IQCM: variants seen among roughly 807,000 people sequenced by gnomAD.
The protein encoded by IQCM is IQ domain-containing protein M.
Under a neutral mutation model 57.6 loss-of-function variants are expected in IQCM, and 45 were observed. The observed-to-expected ratio is 0.78, with a 90% CI of 0.62 to 1.00. IQCM has a LOEUF of 1.00. Among genes scored for constraint, IQCM ranks in the 50% least tolerant of loss-of-function variants. The pLI, the probability that IQCM is intolerant of heterozygous loss-of-function variation, is 0.00. For missense variants in IQCM, 468 were observed against 511.6 expected (o/e 0.91, Z 0.82); for synonymous variants, 148 against 158.9 (o/e 0.93, Z 0.51).
intron 13 of IQCM, among the ~76,000 whole-genome samples, chr4:149,411,743 T>C (rs1733394164): frequency 6.6e-6 from 1 of 152,164 alleles, no homozygotes; most frequent in African/African-American, 2.4e-5. Context: ...GTATTTTTAA[T>C]TGGGTACTAT....
chr4:149,571,229 A>G (rs1184462545), intron 9 of IQCM, among the ~76,000 whole-genome samples: 1 of 152,128 alleles, frequency 6.6e-6, no homozygotes, highest in East Asian at 1.9e-4. Context: ...TAGCCAAGAT[A>G]TGGAATCAAC....
intron 12 of IQCM, among the ~76,000 whole-genome samples, chr4:149,545,742 G>A (rs1196683994): frequency 1.3e-5 from 2 of 151,962 alleles, no homozygotes; most frequent in African/African-American, 4.8e-5. Flanking sequence ...TACCTATATT[G>A]CAGCATATTC....
At chr4:149,367,023 G>A (rs1297839733) in intron 13 of IQCM, among the ~76,000 whole-genome samples, 4 of 152,062 alleles carry the variant, frequency 2.6e-5, no homozygotes, top group East Asian at 3.9e-4. Context: ...TCTGTGCAAG[G>A]CACTGTGCTG....
intron 2 of IQCM, among the ~76,000 whole-genome samples, chr4:149,757,539 T>C (rs967441906): frequency 6.6e-6 from 1 of 152,048 alleles, no homozygotes; most frequent in Non-Finnish European, 1.5e-5. Context: ...AGCAATAATG[T>C]TATCAGATAA....
At position 149,542,596 on chromosome 4, in the gene IQCM, A is replaced by G. The variant is rs141194504; in HGVS notation, c.1228+5859T>C. On this transcript the variant is annotated intron_variant, in intron 12 of 13. Transcript: ENST00000636793. ...GAGCATATCCCCTCCTCTAGCATAT[A>G]GATCATTATGATAATCGAAAGGGAT... is the stretch of plus-strand genomic sequence containing the variant. Among the ~76,000 whole-genome samples the G allele has an allele frequency of 1.7e-3, 257 of 152,230 alleles. 1 individual carries two copies. Among genetic ancestry groups the G allele is most frequent in the Non-Finnish European group, 3.0e-3 (204 of 67,974 alleles).
At chr4:149,395,193 G>A (rs1358976513) in intron 13 of IQCM, among the ~76,000 whole-genome samples, 1 of 151,924 alleles carries the variant, frequency 6.6e-6, no homozygotes, top group African/African-American at 2.4e-5. Context: ...TTGATCACAC[G>A]TTCCTCTAGG....
intron 2 of IQCM, among the ~76,000 whole-genome samples, chr4:149,744,889 G>C (rs1280102925): frequency 1.3e-5 from 2 of 152,136 alleles, no homozygotes; most frequent in Non-Finnish European, 2.9e-5. Flanking sequence ...CATGCAAAAA[G>C]TATGCCAGAT....
intron 13 of IQCM, among the ~76,000 whole-genome samples, chr4:149,391,800 G>A (rs1436596115): frequency 6.6e-6 from 1 of 151,904 alleles, no homozygotes; most frequent in African/African-American, 2.4e-5. Flanking sequence ...TTTTCCTGAT[G>A]TTGATTTCTA....
At chr4:149,490,411 T>C (rs923460101) in intron 12 of IQCM, among the ~76,000 whole-genome samples, 1 of 152,062 alleles carries the variant, frequency 6.6e-6, no homozygotes, top group Non-Finnish European at 1.5e-5. Flanking sequence ...TCAAATATAG[T>C]TTATTGCCAA....
chr4:149,465,143 CT>C (rs1438459293), intron 12 of IQCM, among the ~76,000 whole-genome samples: 2 of 152,010 alleles, frequency 1.3e-5, no homozygotes, highest in Non-Finnish European at 2.9e-5. Flanking sequence ...TATTTAGATG[CT>C]AGTTTTTATA....
At chr4:149,615,098 G>A (rs1013062628) in intron 8 of IQCM, among the ~76,000 whole-genome samples, 5 of 151,754 alleles carry the variant, frequency 3.3e-5, no homozygotes, top group Admixed American at 6.6e-5. Flanking sequence ...TGATTGTCAC[G>A]TCTCAGAATT....
chr4:149,548,612 GA>G (rs1172407447), intron 11 of IQCM, 23 bp from the exon 12 acceptor site: 14 of 1,153,158 alleles, frequency 1.2e-5, no homozygotes, highest in Non-Finnish European at 1.1e-6. Flanking sequence ...AAATGTAAAA[GA>G]AAATATTTTT....
intron 12 of IQCM, among the ~76,000 whole-genome samples, chr4:149,546,642 C>A (rs1047625126): frequency 6.6e-6 from 1 of 152,186 alleles, no homozygotes; most frequent in Admixed American, 6.5e-5. Context: ...CTGCTCATAT[C>A]CTTTGCCCAC....
intron 2 of IQCM, among the ~76,000 whole-genome samples, chr4:149,779,931 T>C (rs1374967951): frequency 6.6e-6 from 1 of 152,112 alleles, no homozygotes; most frequent in Non-Finnish European, 1.5e-5. Context: ...TTCACAAAAT[T>C]GGTGAAACAC....
At chr4:149,476,072 G>GA (rs1268720187) in intron 12 of IQCM, among the ~76,000 whole-genome samples, 1 of 151,990 alleles carries the variant, frequency 6.6e-6, no homozygotes, top group Non-Finnish European at 1.5e-5. Context: ...CCAGTAAAAA[G>GA]AAAAAATAAT....
At chr4:149,767,284 A>G (rs1418944082) in intron 2 of IQCM, among the ~76,000 whole-genome samples, 1 of 152,016 alleles carries the variant, frequency 6.6e-6, no homozygotes, top group Non-Finnish European at 1.5e-5. Context: ...ACGCTCAGAT[A>G]TTACAATAAA....
intron 7 of IQCM, among the ~76,000 whole-genome samples, chr4:149,624,491 T>C (rs1287161568): frequency 6.6e-6 from 1 of 152,138 alleles, no homozygotes; most frequent in East Asian, 1.9e-4. Flanking sequence ...CAAAACCTAA[T>C]AAGTAGTTGT....
rs201946807 is a variant in IQCM, at chr4:149,368,992, G to GTATATA, written c.1391-16932_1391-16927dup. The stretch of plus-strand genomic sequence containing the variant: ...TATATATGTGTATATATATACACGT[G>GTATATA]TATATATATATATATACACGTGTAT... On this transcript the variant is annotated intron_variant, in intron 13 of 13. Transcript: ENST00000636793. Among the ~76,000 whole-genome samples, 233 of 32,148 alleles carry GTATATA rather than the reference G, an allele frequency of 7.2e-3. 24 individuals are homozygous for GTATATA. The highest frequency in any genetic ancestry group is 0.013 in the Admixed American group (32 of 2,502). The allele number at this position is 32,148 out of a possible 152,430, so 21.1% of individuals were successfully genotyped here.
chr4:149,655,829 T>C (rs904727081), intron 7 of IQCM, among the ~76,000 whole-genome samples: 2 of 152,214 alleles, frequency 1.3e-5, no homozygotes, highest in African/African-American at 4.8e-5. Flanking sequence ...GTATTTTATG[T>C]ACCACAAAAT....
Sources: gnomAD v4.1 joint callset for allele counts (sites outside exome capture counted in the v4.1 genomes callset) on GRCh38, gnomAD v4.1.1 for gene constraint, MANE v1.5 for transcripts, NCBI Gene and HGNC (gene_info 2026-07-23, HGNC 2026-07-21) for gene names.